Variants in SNTG1 observed in about 807,000 individuals in gnomAD.
SNTG1 encodes the protein gamma-1-syntrophin.
In SNTG1, 39 loss-of-function variants were observed where a neutral mutation model predicts 74.7. That is an observed-to-expected ratio of 0.52 (90% CI 0.40 to 0.68). The LOEUF is 0.68. Ranked by LOEUF, SNTG1 falls within the 30% of genes least tolerant of loss-of-function variation. SNTG1 has a pLI of 0.00. For synonymous variants in SNTG1, 254 were observed against 217.1 expected (o/e 1.17, Z -1.49); for missense variants, 685 against 609.5 (o/e 1.12, Z -1.30).
chr8:50,636,061 G>C (rs913075069), intron 13 of SNTG1, among the ~76,000 whole-genome samples: 2 of 151,056 alleles, frequency 1.3e-5, no homozygotes, highest in African/African-American at 4.9e-5. Context: ...TTTTGGCCCA[G>C]AGTGTGTCTA....
intron 1 of SNTG1, among the ~76,000 whole-genome samples, chr8:50,094,267 A>G (rs1176856381): frequency 6.6e-6 from 1 of 152,140 alleles, no homozygotes; most frequent in Non-Finnish European, 1.5e-5. Context: ...TGTCAAACCA[A>G]TTCAGGGAAA....
intron 12 of SNTG1, among the ~76,000 whole-genome samples, chr8:50,578,397 G>A (rs1292497218): frequency 8.1e-6 from 1 of 124,172 alleles, no homozygotes; most frequent in Non-Finnish European, 1.7e-5. Context: ...TTCTTGCTAG[G>A]TGAAAAAGTG....
Position 50,358,835 on chromosome 8 carries a change from T to A in SNTG1, c.-27-35377T>A, listed in dbSNP as rs778265022. Among the ~76,000 whole-genome samples the A allele has an allele frequency of 1.3e-5, 2 of 152,190 alleles. 1 individual carries two copies. Among genetic ancestry groups the A allele is most frequent in the Admixed American group, 1.3e-4 (2 of 15,268 alleles). ...TTAAGGCTTGATGAACTATTCAAGT[T>A]CAGACCATCATCAAGTGTGACAATA... is the stretch of plus-strand genomic sequence containing the variant. On this transcript the variant is annotated intron_variant, in intron 2 of 18. Transcript: ENST00000642720.
chr8:50,434,070 T>C (rs2093274487), intron 4 of SNTG1, among the ~76,000 whole-genome samples: 1 of 134,884 alleles, frequency 7.4e-6, no homozygotes, highest in South Asian at 2.8e-4. Context: ...CCCCAGTGTG[T>C]GATGTTCCCC....
Position 50,350,378 on chromosome 8 carries a change from G to A in SNTG1, c.-27-43834G>A, listed in dbSNP as rs185062243. On this transcript the variant is annotated intron_variant, in intron 2 of 18. Transcript: ENST00000642720. ...GGATCCACTGGGTGAAGCCAGCTGG[G>A]CTCCTGAGTCTGGTGGGGACTTCAA... is the stretch of plus-strand genomic sequence containing the variant. Among the ~76,000 whole-genome samples, 1,264 of 152,314 alleles carry A rather than the reference G, an allele frequency of 8.3e-3. 7 individuals are homozygous for A. The highest frequency in any genetic ancestry group is 0.031 in the Middle Eastern group (9 of 292).
At chr8:50,718,879 T>A (rs1191543862) in intron 17 of SNTG1, among the ~76,000 whole-genome samples, 1 of 152,252 alleles carries the variant, frequency 6.6e-6, no homozygotes, top group Admixed American at 6.5e-5. Context: ...TCTCTGTCAG[T>A]GGGCCAGCCT....
intron 4 of SNTG1, among the ~76,000 whole-genome samples, chr8:50,414,367 T>A (rs2092988661): frequency 6.6e-6 from 1 of 152,170 alleles, no homozygotes; most frequent in African/African-American, 2.4e-5. Flanking sequence ...TTCATCCAGA[T>A]CTGAGGTCAA....
In SNTG1 at chr8:50,251,883, C is replaced by A. The variant is rs115279382; in HGVS notation, c.-28+79248C>A. Among the ~76,000 whole-genome samples the A allele has an allele frequency of 9.9e-3, 1,506 of 152,188 alleles. 32 individuals carry two copies. Among genetic ancestry groups the A allele is most frequent in the African/African-American group, 0.035 (1,436 of 41,528 alleles). On this transcript the variant is annotated intron_variant, in intron 2 of 18. Transcript: ENST00000642720. ...ATGTACCTAACACATATTTACAGAA[C>A]ATTCCATCTACAGCTGCAGAATTCC...
chr8:50,069,360 T>C (rs1821160923), intron 1 of SNTG1, among the ~76,000 whole-genome samples: 1 of 152,190 alleles, frequency 6.6e-6, no homozygotes, highest in African/African-American at 2.4e-5. Flanking sequence ...TCTAGAATGC[T>C]GGTTGATAAA....
chr8:50,201,545 T>C (rs1389254486), intron 2 of SNTG1, among the ~76,000 whole-genome samples: 2 of 152,122 alleles, frequency 1.3e-5, no homozygotes, highest in Admixed American at 1.3e-4. Context: ...TCTTCCTTTC[T>C]AGCGCTGCGT....
intron 1 of SNTG1, among the ~76,000 whole-genome samples, chr8:50,038,712 T>A (rs1383464135): frequency 2.0e-5 from 3 of 152,166 alleles, no homozygotes; most frequent in Non-Finnish European, 4.4e-5. Flanking sequence ...AAAATCCTAA[T>A]GACCAAAAGA....
chr8:50,699,312 T>C (rs758252870), intron 15 of SNTG1, among the ~76,000 whole-genome samples: 1 of 152,158 alleles, frequency 6.6e-6, no homozygotes, highest in Non-Finnish European at 1.5e-5. Flanking sequence ...AAAGTAAACA[T>C]GAAATTACAG....
At chr8:50,754,068 A>T (rs1198306011) in intron 18 of SNTG1, among the ~76,000 whole-genome samples, 1 of 151,934 alleles carries the variant, frequency 6.6e-6, no homozygotes, top group African/African-American at 2.4e-5. Context: ...TGGAAGCAGG[A>T]CATTTGCTAA....
chr8:50,553,264 GT>G, intron 12 of SNTG1, 85 bp downstream of exon 12: 1 of 1,508,042 alleles, frequency 6.6e-7, no homozygotes, highest in Non-Finnish European at 9.1e-7. Context: ...CACATCAACT[GT>G]TTGGTGTTCT....
chr8:50,403,048 G>A lies in SNTG1; in HGVS notation c.162+704G>A, dbSNP rs2092826833. Among the ~76,000 whole-genome samples, 7 of 152,288 alleles carry A rather than the reference G, an allele frequency of 4.6e-5. No homozygotes were observed. The South Asian group carries it at 1.5e-3, about 32-fold the overall frequency. On this transcript the variant is annotated intron_variant, in intron 4 of 18. Coordinates refer to ENST00000642720, the MANE Select transcript of SNTG1 (RefSeq NM_018967.5). The stretch of plus-strand genomic sequence containing the variant: ...GCTAAAAGACATTATCATAAGACGA[G>A]TTCTGGAGTTTATCATTCATTGTAT...
rs776073608 is a variant in SNTG1 at position 50,021,938 on chromosome 8, C to CAAAA, written c.-103+109714_-103+109717dup. 7.0e-3 allele frequency among the ~76,000 whole-genome samples: 836 copies of CAAAA among 118,940 alleles called. 5 individuals carry two copies. The highest frequency in any genetic ancestry group is 0.041 in the Middle Eastern group (10 of 246). 78.0% of individuals were successfully genotyped at this position (118,940 alleles called of 152,430 possible). On this transcript the variant is annotated intron_variant, in intron 1 of 18. Transcript: ENST00000642720. ...CCTGGGTGACACAGTGAGACCCTCT[C>CAAAA]AAAAAAAAAATAAAAATAAAAATAA...
chr8:50,309,585 T>C (rs1488589711), intron 2 of SNTG1, among the ~76,000 whole-genome samples: 3 of 152,204 alleles, frequency 2.0e-5, no homozygotes, highest in South Asian at 2.1e-4. Context: ...AAATTGATTG[T>C]ATCTTTCTTG....
At chr8:49,944,414 T>C (rs1186825615) in intron 1 of SNTG1, among the ~76,000 whole-genome samples, 1 of 140,810 alleles carries the variant, frequency 7.1e-6, no homozygotes, top group Non-Finnish European at 1.5e-5. Context: ...ATAACATACA[T>C]TCTTTCTTTC....
intron 1 of SNTG1, among the ~76,000 whole-genome samples, chr8:49,930,471 T>C (rs2129355663): frequency 8.7e-6 from 1 of 115,420 alleles, no homozygotes; most frequent in Middle Eastern, 4.9e-3. Context: ...AAAAGAGGAC[T>C]TTCTTAATCT....
Sources: gnomAD v4.1 joint callset for allele counts (sites outside exome capture counted in the v4.1 genomes callset) on GRCh38, gnomAD v4.1.1 for gene constraint, MANE v1.5 for transcripts, NCBI Gene and HGNC (gene_info 2026-07-23, HGNC 2026-07-21) for gene names.